Variants in EI24 observed in about 807,000 individuals in gnomAD.
The protein encoded by EI24 is etoposide-induced protein 2.4 homolog.
A neutral mutation model predicts 48.6 loss-of-function variants in EI24; 21 were observed. That is an observed-to-expected ratio of 0.43 (90% CI 0.31 to 0.62). The LOEUF (loss-of-function observed/expected upper bound fraction) is 0.62, where lower values mean the gene tolerates loss of function less well. EI24 is among the 20% of genes least tolerant of loss of function. EI24 has a pLI of 0.10. For missense variants in EI24, 280 were observed against 410.5 expected (o/e 0.68, Z 2.75); for synonymous variants, 114 against 145.5 (o/e 0.78, Z 1.56).
At chr11:125,576,341 T>G (rs1411414577) in intron 4 of EI24, 26 bp downstream of exon 4, 1 of 1,607,668 alleles carries the variant, frequency 6.2e-7, no homozygotes, top group Admixed American at 1.7e-5. Context: ...TCCAGGTGCC[T>G]TATAAGCATC....
chr11:125,569,694 C>T (rs1938457380), intron 1 of EI24, 121 bp downstream of exon 1: 1 of 318,542 alleles, frequency 3.1e-6, no homozygotes, highest in Non-Finnish European at 5.7e-6. Flanking sequence ...GCGAGGACCC[C>T]TTATGGGAAG....
Position 125,580,088 on chromosome 11 carries a change from T to C in EI24, c.562-5T>C. ...GGATTAAGATTTTCCATATTTGTTC[T>C]TCAGGGAATGTTTGTGAGTCTCTTT... On this transcript the variant is annotated splice_region_variant and splice_polypyrimidine_tract_variant and intron_variant, in intron 7 of 10. Transcript: ENST00000278903. The C allele has an allele frequency of 6.2e-7, 1 of 1,608,698 alleles. No individual in the cohort carries two copies.
chr11:125,571,253 CTG>C (rs1267007056), intron 1 of EI24, among the ~76,000 whole-genome samples: 2 of 152,168 alleles, frequency 1.3e-5, no homozygotes, highest in African/African-American at 4.8e-5. Context: ...ACCTCTTAAA[CTG>C]AGAATACTGC....
intron 2 of EI24, among the ~76,000 whole-genome samples, 160 bp downstream of exon 2, chr11:125,572,729 G>A (rs933564813): frequency 6.6e-6 from 1 of 151,414 alleles, no homozygotes; most frequent in African/African-American, 2.4e-5. Context: ...CAAGAAATAG[G>A]TATTGTTCTA....
rs144999064 is a variant in EI24, at chr11:125,570,004, C to T, written c.-71+431C>T. 8 of 153,652 alleles carry T rather than the reference C, an allele frequency of 5.2e-5. No individual in the cohort carries two copies. In the East Asian group the frequency reaches 1.5e-3, roughly 29 times the overall value. 9.5% of individuals were successfully genotyped at this position (153,652 alleles called of 1,614,324 possible). Reference sequence around the variant, plus strand: ...TGGGCTACGACAGCTTCCTGTTTGCCGAGACTTGGGTTTAGTGACTTAGAA... The same window carrying T: ...TGGGCTACGACAGCTTCCTGTTTGCTGAGACTTGGGTTTAGTGACTTAGAA... On this transcript the variant is annotated intron_variant, in intron 1 of 10. Coordinates refer to ENST00000278903, the MANE Select transcript of EI24 (RefSeq NM_004879.5).
chr11:125,574,496 T>C (rs1223417229), intron 2 of EI24, among the ~76,000 whole-genome samples: 1 of 152,270 alleles, frequency 6.6e-6, no homozygotes, highest in African/African-American at 2.4e-5. Flanking sequence ...TTTATGTTCC[T>C]GTTAACAGAT....
In EI24 at chr11:125,584,254, A is replaced by T. The variant is rs1258066667; in HGVS notation, c.*571A>T. On this transcript the variant is annotated 3_prime_UTR_variant, in exon 11 of 11. Transcript: ENST00000278903. ...CAAAAAAAAAAAAAAAAAAAAAAAA[A>T]AAAAAAAAGCCTGAAGAGATGAGAT... 7.0e-6 allele frequency: 1 copy of T among 143,194 alleles called. No individual in the cohort carries two copies. Among genetic ancestry groups the T allele is most frequent in the African/African-American group, 2.5e-5 (1 of 40,428 alleles). The allele number at this position is 143,194 out of a possible 1,614,324, so 8.9% of individuals were successfully genotyped here.
intron 1 of EI24, among the ~76,000 whole-genome samples, chr11:125,571,693 A>G (rs1336090498): frequency 6.6e-6 from 1 of 152,106 alleles, no homozygotes; most frequent in African/African-American, 2.4e-5. Flanking sequence ...CCTGGCCAAC[A>G]TGGCGAAACC....
chr11:125,571,620 T>TA (rs1182190797), intron 1 of EI24, among the ~76,000 whole-genome samples: 1 of 152,224 alleles, frequency 6.6e-6, no homozygotes, highest in African/African-American at 2.4e-5. Context: ...CTCATGCCTG[T>TA]AATCCTAGCA....
chr11:125,578,480 CTTTTTTTTTTTTTTTT>C (rs370986926), intron 6 of EI24, among the ~76,000 whole-genome samples: 1 of 84,694 alleles, frequency 1.2e-5, no homozygotes, highest in African/African-American at 4.8e-5. Context: ...TTCGTTTTGG[CTTTTTTTTTTTTTTTT>C]TTTTTTTTGA....
chr11:125,580,238 G>T, intron 8 of EI24, 34 bp downstream of exon 8: 1 of 1,491,426 alleles, frequency 6.7e-7, no homozygotes, highest in South Asian at 1.1e-5. Context: ...GAAAATGGAG[G>T]CCCAGTTTGG....
Position 125,579,073 on chromosome 11 carries a change from G to T in EI24, c.561+5G>T. The T allele has an allele frequency of 6.4e-7, 1 of 1,558,826 alleles. No homozygotes were observed. The highest frequency in any genetic ancestry group is 8.7e-7 in the Non-Finnish European group (1 of 1,150,488). On this transcript the variant is annotated splice_donor_5th_base_variant and intron_variant, in intron 7 of 10. Coordinates refer to ENST00000278903, the MANE Select transcript of EI24 (RefSeq NM_004879.5). ...CAGGCTCTTTTCCTCATTCAGGTGA[G>T]ACTGACCTTCTGGGCATATGGGCAG...
At chr11:125,581,703 C>T (rs1228049417) in intron 9 of EI24, among the ~76,000 whole-genome samples, 2 of 151,338 alleles carry the variant, frequency 1.3e-5, no homozygotes, top group African/African-American at 4.9e-5. Context: ...CCCACCATCA[C>T]GCCTAGCTAA....
intron 8 of EI24, 76 bp downstream of exon 8, chr11:125,580,280 A>G (rs938649638): frequency 2.8e-5 from 30 of 1,072,344 alleles, no homozygotes; most frequent in Non-Finnish European, 3.6e-5. Flanking sequence ...TTCTTAAACT[A>G]CTCATAGTCA....
At position 125,584,388 on chromosome 11, in the gene EI24, C is replaced by T. The variant is rs1311301142; in HGVS notation, c.*705C>T. Reference sequence around the variant, plus strand: ...CATTGGTACATTTAAAGTCCCCCAACTATGGGGAGGTACCAATTCTGGACA... The same window carrying T: ...CATTGGTACATTTAAAGTCCCCCAATTATGGGGAGGTACCAATTCTGGACA... On this transcript the variant is annotated 3_prime_UTR_variant, in exon 11 of 11. Coordinates refer to ENST00000278903, the MANE Select transcript of EI24 (RefSeq NM_004879.5). 2 of 152,560 alleles carry T rather than the reference C, an allele frequency of 1.3e-5. No individual in the cohort carries two copies. Among genetic ancestry groups the T allele is most frequent in the African/African-American group, 4.8e-5 (2 of 41,430 alleles). The allele number at this position is 152,560 out of a possible 1,614,324, so 9.5% of individuals were successfully genotyped here.
At position 125,572,527 on chromosome 11, in the gene EI24, G is replaced by A. The variant is rs190131090; in HGVS notation, c.-1G>A. ...GTAGTTGATAGTTTGGTGGTGAAGAGATGGCTGACAGTGTCAAAACCTTTC... is the reference window on the plus strand; with the variant it reads ...GTAGTTGATAGTTTGGTGGTGAAGAAATGGCTGACAGTGTCAAAACCTTTC... On this transcript the variant is annotated 5_prime_UTR_variant, in exon 2 of 11. Coordinates refer to ENST00000278903, the MANE Select transcript of EI24 (RefSeq NM_004879.5). 3.0e-4 allele frequency: 481 copies of A among 1,613,800 alleles called. 1 individual carries two copies. The African/African-American group carries it at 5.7e-3, about 19-fold the overall frequency.
At chr11:125,573,305 C>T (rs1938598477) in intron 2 of EI24, among the ~76,000 whole-genome samples, 1 of 152,192 alleles carries the variant, frequency 6.6e-6, no homozygotes, top group Non-Finnish European at 1.5e-5. Flanking sequence ...ATCCAAATTA[C>T]CAATAGCACA....
At position 125,576,142 on chromosome 11, in the gene EI24, G is replaced by A. The variant is rs184471573; in HGVS notation, c.189-113G>A. ...ACATTAGAACATTGGGAGAACATGA[G>A]GCACTGAAAAATAATACAGTACCCA... On this transcript the variant is annotated intron_variant, in intron 3 of 10. Transcript: ENST00000278903. The A allele has an allele frequency of 9.9e-6, 10 of 1,005,210 alleles. No individual in the cohort carries two copies. The East Asian group carries it at 2.6e-4, about 26-fold the overall frequency. 62.3% of individuals were successfully genotyped at this position (1,005,210 alleles called of 1,614,324 possible).
At position 125,584,020 on chromosome 11, in the gene EI24, T is replaced by C. The variant is rs769484765; in HGVS notation, c.*337T>C. On this transcript the variant is annotated 3_prime_UTR_variant, in exon 11 of 11. Transcript: ENST00000278903. ...CATTTACCCTTCCACCTTTCCATCC[T>C]GCCTTCTACCACCCTTGGATGAATG... 3.8e-6 allele frequency: 1 copy of C among 263,362 alleles called. No homozygotes were observed. 16.3% of individuals were successfully genotyped at this position (263,362 alleles called of 1,614,324 possible). A position where few individuals can be genotyped will look rare whatever the true frequency, so the allele number is the denominator to read the frequency against.
Sources: gnomAD v4.1 joint callset for allele counts (sites outside exome capture counted in the v4.1 genomes callset) on GRCh38, gnomAD v4.1.1 for gene constraint, MANE v1.5 for transcripts, NCBI Gene and HGNC (gene_info 2026-07-23, HGNC 2026-07-21) for gene names.